Variants in FAAP100 observed in about 807,000 individuals in gnomAD.
FAAP100 encodes the protein Fanconi anemia core complex-associated protein 100.
Under a neutral mutation model 65.8 loss-of-function variants are expected in FAAP100, and 46 were observed. That is an observed-to-expected ratio of 0.70 (90% confidence interval 0.55 to 0.89). FAAP100 has a LOEUF of 0.89. Ranked by LOEUF, FAAP100 falls within the 40% of genes least tolerant of loss-of-function variation. FAAP100 has a pLI of 0.00. For missense variants in FAAP100, 1,165 were observed against 1,196.7 expected (o/e 0.97, Z 0.39); for synonymous variants, 663 against 555.1 (o/e 1.19, Z -2.73).
At chr17:81,551,286 T>A in intron 2 of FAAP100, 83 bp from the exon 3 acceptor site, 1 of 1,374,618 alleles carries the variant, frequency 7.3e-7, no homozygotes, top group Non-Finnish European at 9.7e-7. Context: ...CATGGAGTAG[T>A]CTGGCTCAGG....
chr17:81,552,345 C>G lies in FAAP100; in HGVS notation c.-15G>C. ...GCGCCGGCCATCGTGCGCGCGGGCC[C>G]GTCAGAGTGAGAAGCCCCGGCCGCG... On this transcript the variant is annotated 5_prime_UTR_variant, in exon 1 of 9. Transcript: ENST00000327787. 8 of 1,357,948 alleles carry G rather than the reference C, an allele frequency of 5.9e-6. No individual in the cohort carries two copies. Among genetic ancestry groups the G allele is most frequent in the South Asian group, 1.8e-5 (1 of 54,722 alleles). The allele number at this position is 1,357,948 out of a possible 1,614,324, so 84.1% of individuals were successfully genotyped here. A position where few individuals can be genotyped will look rare whatever the true frequency, so the allele number is the denominator to read the frequency against.
intron 7 of FAAP100, among the ~76,000 whole-genome samples, chr17:81,541,853 G>A (rs1353179931): frequency 6.6e-6 from 1 of 152,120 alleles, no homozygotes; most frequent in Non-Finnish European, 1.5e-5. Flanking sequence ...CTGCAGCACT[G>A]GCTCCCTGGG....
Position 81,540,932 on chromosome 17 carries a change from G to A in FAAP100, c.2533C>T (p.Gln845Ter). The part of the protein sequence containing the change: ...ANHETLLREV[Q>*]TLRDRLCTED... ...GTGCAGAGCCGGTCGCGCAGGGTCTGCACCTCCCGCAGCAGTGTCTGCAGG... is the reference window on the plus strand; with the variant it reads ...GTGCAGAGCCGGTCGCGCAGGGTCTACACCTCCCGCAGCAGTGTCTGCAGG... The change falls in exon 9 of 9, where the codon CAG becomes TAG. Residue 845 changes from glutamine (Q) to a stop codon, truncating the protein, a stop_gained. Transcript: ENST00000327787. LOFTEE classifies it high-confidence loss of function. 6.3e-7 allele frequency: 1 copy of A among 1,588,624 alleles called. No individual in the cohort carries two copies.
At position 81,544,209 on chromosome 17, in the gene FAAP100, A is replaced by G. The variant is rs547858709; in HGVS notation, c.2311-89T>C. 6.7e-4 allele frequency: 718 copies of G among 1,074,954 alleles called. 8 individuals are homozygous for G. In the South Asian group the frequency reaches 7.3e-3, roughly 11 times the overall value. The allele number at this position is 1,074,954 out of a possible 1,614,324, so 66.6% of individuals were successfully genotyped here. A position where few individuals can be genotyped will look rare whatever the true frequency, so the allele number is the denominator to read the frequency against. ...CTACACAGGAGCCTCCCCAGCTGGC[A>G]GCACGTGAGGCCCTGAGATGGTCCC... On this transcript the variant is annotated intron_variant, in intron 6 of 8. Transcript: ENST00000327787.
Position 81,551,911 on chromosome 17 carries a change from C to T in FAAP100, c.290+17G>A. 1 of 1,529,014 alleles carries T rather than the reference C, an allele frequency of 6.5e-7. No homozygotes were observed. The highest frequency in any genetic ancestry group is 1.5e-5 in the African/African-American group (1 of 64,678). 94.7% of individuals were successfully genotyped at this position (1,529,014 alleles called of 1,614,324 possible). A position where few individuals can be genotyped will look rare whatever the true frequency, so the allele number is the denominator to read the frequency against. The stretch of plus-strand genomic sequence containing the variant: ...CAGCAGGAGTGTGCGGGAGGGAGGC[C>T]GCGGGCCCGCCCTCACCTGCTCCTG... On this transcript the variant is annotated intron_variant, in intron 2 of 8. Transcript: ENST00000327787.
At position 81,541,390 on chromosome 17, in the gene FAAP100, C is replaced by T. The variant is rs2033089906; in HGVS notation, c.2433G>A (p.Met811Ile). ...HHAVVGRMQT[M>I]VTEQATQGSS... ...AGCCCTGGGTGGCCTGCTCTGTCAC[C>T]ATCGTCTGGGGGACACAGGAGACAT... Residue 811 changes from methionine (M) to isoleucine (I), a missense_variant, in exon 8 of 9, where the codon ATG (methionine) becomes ATA (isoleucine). Transcript: ENST00000327787. The T allele has an allele frequency of 6.2e-7, 1 of 1,607,462 alleles. No homozygotes were observed. The highest frequency in any genetic ancestry group is 1.3e-5 in the African/African-American group (1 of 74,820).
chr17:81,545,337 C>G (rs2143942726), intron 6 of FAAP100, among the ~76,000 whole-genome samples: 1 of 152,362 alleles, frequency 6.6e-6, no homozygotes, highest in East Asian at 1.9e-4. Context: ...GTGTGCACGA[C>G]AGGGGCTGGA....
rs1443047460 is a variant in FAAP100, at chr17:81,541,053, G to A, written c.2515-103C>T. On this transcript the variant is annotated intron_variant, in intron 8 of 8. Coordinates refer to ENST00000327787, the MANE Select transcript of FAAP100 (RefSeq NM_025161.6). ...ACTCGCAGGACCCTACTTGGGAAGT[G>A]GCAGGTGGTCCGAGGAAGAACACTC... 70 of 1,400,310 alleles carry A rather than the reference G, an allele frequency of 5.0e-5. 1 individual carries two copies. The highest frequency in any genetic ancestry group is 3.7e-4 in the Middle Eastern group (2 of 5,364). The allele number at this position is 1,400,310 out of a possible 1,614,324, so 86.7% of individuals were successfully genotyped here. A position where few individuals can be genotyped will look rare whatever the true frequency, so the allele number is the denominator to read the frequency against.
In FAAP100 at chr17:81,552,311, C is replaced by T. The variant is rs1351670762; in HGVS notation, c.20G>A (p.Arg7Gln). 2.1e-6 allele frequency: 3 copies of T among 1,408,930 alleles called. No homozygotes were observed. Among genetic ancestry groups the T allele is most frequent in the South Asian group, 1.5e-5 (1 of 67,358 alleles). The allele number at this position is 1,408,930 out of a possible 1,614,324, so 87.3% of individuals were successfully genotyped here. A position where few individuals can be genotyped will look rare whatever the true frequency, so the allele number is the denominator to read the frequency against. Residue 7 changes from arginine (R) to glutamine (Q), a missense_variant, in exon 1 of 9, where the codon CGG becomes CAG. Physicochemically the swap from Arg to Gln is conservative, Grantham distance 43. Transcript: ENST00000327787. The part of the protein sequence containing the change: MAGAAP[R>Q]VRYLAGFCCP... The stretch of plus-strand genomic sequence containing the variant: ...GCAGAAGCCCGCCAGGTAGCGGACC[C>T]GCGGCGCGGCGCCGGCCATCGTGCG...
intron 3 of FAAP100, 71 bp from the exon 4 acceptor site, chr17:81,549,433 T>C: frequency 6.6e-7 from 1 of 1,521,904 alleles, no homozygotes; most frequent in Admixed American, 2.0e-5. Context: ...CGGTGGTGTT[T>C]CCCTGGACTC....
chr17:81,552,331 C>G lies in FAAP100; in HGVS notation c.-1G>C. 7.3e-7 allele frequency: 1 copy of G among 1,376,762 alleles called. No homozygotes were observed. 85.3% of individuals were successfully genotyped at this position (1,376,762 alleles called of 1,614,324 possible). A position where few individuals can be genotyped will look rare whatever the true frequency, so the allele number is the denominator to read the frequency against. Reference sequence around the variant, plus strand: ...GGACCCGCGGCGCGGCGCCGGCCATCGTGCGCGCGGGCCCGTCAGAGTGAG... The same window carrying G: ...GGACCCGCGGCGCGGCGCCGGCCATGGTGCGCGCGGGCCCGTCAGAGTGAG... On this transcript the variant is annotated 5_prime_UTR_variant, in exon 1 of 9. Coordinates refer to ENST00000327787, the MANE Select transcript of FAAP100 (RefSeq NM_025161.6).
At chr17:81,541,974 C>T (rs986426742) in intron 7 of FAAP100, among the ~76,000 whole-genome samples, 5 of 151,426 alleles carry the variant, frequency 3.3e-5, no homozygotes, top group Admixed American at 3.3e-4. Context: ...GAGACCATCC[C>T]GGCTAAAACG....
chr17:81,549,308 A>T lies in FAAP100; in HGVS notation c.1301T>A (p.Leu434Gln). 1 of 1,612,898 alleles carries T rather than the reference A, an allele frequency of 6.2e-7. No homozygotes were observed. Among genetic ancestry groups the T allele is most frequent in the Non-Finnish European group, 8.5e-7 (1 of 1,179,808 alleles). ...GCCAGGCATCTCAGAGTCCAGGTCC[A>T]GGCTGCAGGTCATCAGGCGGCCTTT... ...SAKGRLMTCSLDLDSEMPGPA... is the reference protein window; with the variant it reads ...SAKGRLMTCSQDLDSEMPGPA... The change falls in exon 4 of 9, where the codon CTG (leucine) becomes CAG (glutamine). Residue 434 changes from leucine (L) to glutamine (Q), a missense_variant. Coordinates refer to ENST00000327787, the MANE Select transcript of FAAP100 (RefSeq NM_025161.6).
chr17:81,549,433 TC>T, intron 3 of FAAP100, 71 bp from the exon 4 acceptor site: 1 of 1,521,904 alleles, frequency 6.6e-7, no homozygotes, highest in East Asian at 2.3e-5. Flanking sequence ...CGGTGGTGTT[TC>T]CCTGGACTCC....
At chr17:81,551,241 G>A (rs1568100902) in intron 2 of FAAP100, 38 bp from the exon 3 acceptor site, 2 of 1,467,202 alleles carry the variant, frequency 1.4e-6, no homozygotes, top group Non-Finnish European at 1.8e-6. Flanking sequence ...GCCTGGGCAG[G>A]GTGGGATTCC....
At chr17:81,544,161 C>T in intron 6 of FAAP100, 41 bp from the exon 7 acceptor site, 1 of 1,513,962 alleles carries the variant, frequency 6.6e-7, no homozygotes, top group South Asian at 1.1e-5. Context: ...CTGTGGCACT[C>T]CCACCTGCCC....
Position 81,542,249 on chromosome 17 carries a change from G to A in FAAP100, c.2428-854C>T, listed in dbSNP as rs186042690. Among the ~76,000 whole-genome samples, 672 of 124,600 alleles carry A rather than the reference G, an allele frequency of 5.4e-3. 9 individuals carry two copies. The highest frequency in any genetic ancestry group is 0.028 in the Middle Eastern group (6 of 212). 81.7% of individuals were successfully genotyped at this position (124,600 alleles called of 152,430 possible). A position where few individuals can be genotyped will look rare whatever the true frequency, so the allele number is the denominator to read the frequency against. ...TATATATATATGAAATCAGCCAGGCGTGGTGACAGAGCCTGTAATCCCAGC... is the reference window on the plus strand; with the variant it reads ...TATATATATATGAAATCAGCCAGGCATGGTGACAGAGCCTGTAATCCCAGC... On this transcript the variant is annotated intron_variant, in intron 7 of 8. Coordinates refer to ENST00000327787, the MANE Select transcript of FAAP100 (RefSeq NM_025161.6).
chr17:81,541,937 A>G (rs1014556350), intron 7 of FAAP100, among the ~76,000 whole-genome samples: 3 of 152,216 alleles, frequency 2.0e-5, no homozygotes, highest in African/African-American at 7.2e-5. Flanking sequence ...AGGCCGAGGC[A>G]GGCGGATAAC....
At position 81,549,430 on chromosome 17, in the gene FAAP100, G is replaced by C. The variant is rs1050557999; in HGVS notation, c.1247-68C>G. Reference sequence around the variant, plus strand: ...GGCAAGCAGCATGACACTCGGTGGTGTTTCCCTGGACTCCAGGAAAGAAGT... The same window carrying C: ...GGCAAGCAGCATGACACTCGGTGGTCTTTCCCTGGACTCCAGGAAAGAAGT... On this transcript the variant is annotated intron_variant, in intron 3 of 8. Transcript: ENST00000327787. 5.9e-6 allele frequency: 9 copies of C among 1,534,990 alleles called. No individual in the cohort carries two copies. The African/African-American group carries it at 1.1e-4, about 19-fold the overall frequency.
Sources: gnomAD v4.1 joint callset for allele counts (sites outside exome capture counted in the v4.1 genomes callset) on GRCh38, gnomAD v4.1.1 for gene constraint, MANE v1.5 for transcripts, NCBI Gene and HGNC (gene_info 2026-07-23, HGNC 2026-07-21) for gene names.